Variants in SEC14L1 observed in about 807,000 individuals in gnomAD.
The protein encoded by SEC14L1 is SEC14 like lipid binding 1.
A neutral mutation model predicts 85.3 loss-of-function variants in SEC14L1; 48 were observed. That is an observed-to-expected ratio of 0.56 (90% CI 0.45 to 0.72). SEC14L1 has a LOEUF of 0.72. SEC14L1 is among the 30% of genes least tolerant of loss of function. The pLI, the probability that SEC14L1 is intolerant of heterozygous loss-of-function variation, is 0.00. For synonymous variants in SEC14L1, 391 were observed against 355.5 expected, an observed-to-expected ratio of 1.10 and a Z score of -1.12; for missense variants, 682 against 921.4, an observed-to-expected ratio of 0.74 and a Z score of 3.36.
At chr17:77,179,695 G>GA (rs1446720299) in intron 3 of SEC14L1, among the ~76,000 whole-genome samples, 1 of 151,560 alleles carries the variant, frequency 6.6e-6, no homozygotes, top group Non-Finnish European at 1.5e-5. Flanking sequence ...TTTTTTTTGA[G>GA]ATGGAGTCTC....
At chr17:77,181,905 T>C (rs1975054982) in intron 3 of SEC14L1, among the ~76,000 whole-genome samples, 1 of 152,060 alleles carries the variant, frequency 6.6e-6, no homozygotes, top group Admixed American at 6.5e-5. Context: ...CACGTTTTCT[T>C]TCTTTTTTTT....
At chr17:77,145,087 G>T (rs1259595625) in intron 3 of SEC14L1, 1 of 59,242 alleles carries the variant, frequency 1.7e-5, no homozygotes, top group African/African-American at 4.9e-5. Flanking sequence ...TTGTGTGTGT[G>T]TGTGTGTATG....
At chr17:77,118,685 T>A (rs1289906661) in intron 3 of SEC14L1, among the ~76,000 whole-genome samples, 2 of 152,230 alleles carry the variant, frequency 1.3e-5, no homozygotes, top group Non-Finnish European at 2.9e-5. Flanking sequence ...AGGTTATAAT[T>A]ATGCATTTCG....
At chr17:77,208,414 C>T (rs1976574900) in intron 13 of SEC14L1, among the ~76,000 whole-genome samples, 1 of 152,166 alleles carries the variant, frequency 6.6e-6, no homozygotes, top group African/African-American at 2.4e-5. Context: ...TGAGCTGGAG[C>T]CCAAGGAGAC....
intron 3 of SEC14L1, among the ~76,000 whole-genome samples, chr17:77,114,147 A>C (rs548024776): frequency 6.6e-6 from 1 of 151,840 alleles, no homozygotes; most frequent in African/African-American, 2.4e-5. Context: ...CATTTTTATA[A>C]AACCCTTTGT....
rs890754857 is a variant in SEC14L1 at position 77,211,501 on chromosome 17, G to A, written c.1612-449G>A. ...CGTGTGAGCCTCACACGGCAGGCCC[G>A]GTTCCATGCCCCTGCTTCCCCCTTG... On this transcript the variant is annotated intron_variant, in intron 14 of 16. Transcript: ENST00000436233. 3.5e-5 allele frequency: 6 copies of A among 172,308 alleles called. No individual in the cohort carries two copies. In the East Asian group the frequency reaches 5.0e-4, roughly 14 times the overall value. The allele number at this position is 172,308 out of a possible 1,614,324, so 10.7% of individuals were successfully genotyped here.
chr17:77,190,702 C>A, intron 3 of SEC14L1, 101 bp from the exon 4 acceptor site: 1 of 1,192,422 alleles, frequency 8.4e-7, no homozygotes, highest in Non-Finnish European at 1.2e-6. Flanking sequence ...CTGCCTGTTG[C>A]CGTGCACCGA....
At position 77,089,773 on chromosome 17, in the gene SEC14L1, T is replaced by C; in HGVS notation, c.-240+502T>C. 1.4e-5 allele frequency: 3 copies of C among 214,988 alleles called. No homozygotes were observed. In the South Asian group the frequency reaches 1.5e-4, roughly 11 times the overall value. The allele number at this position is 214,988 out of a possible 1,614,324, so 13.3% of individuals were successfully genotyped here. A position where few individuals can be genotyped will look rare whatever the true frequency, so the allele number is the denominator to read the frequency against. The stretch of plus-strand genomic sequence containing the variant: ...GCTCATGCCTGTAATCCCAGCACTT[T>C]GGGAGGCCGAGGCGGGTGGATCACC... On this transcript the variant is annotated intron_variant, in intron 2 of 19. Transcript: ENST00000392476.
intron 3 of SEC14L1, among the ~76,000 whole-genome samples, chr17:77,122,003 C>T (rs1972310896): frequency 6.6e-6 from 1 of 152,190 alleles, no homozygotes; most frequent in Non-Finnish European, 1.5e-5. Context: ...CATTAGTCAG[C>T]AGCAGCCCAC....
rs559616787 is a variant in SEC14L1, at chr17:77,169,943, CTT to C, written c.64-20859_64-20858del. Among the ~76,000 whole-genome samples the C allele has an allele frequency of 5.6e-4, 86 of 152,276 alleles. 1 individual carries two copies. In the Middle Eastern group the frequency reaches 0.014, roughly 24 times the overall value. ...CTATTGAGGAGGTCCAGCCTTGACA[CTT>C]GGTGGTATAGATTACATCTCCCTAA... On this transcript the variant is annotated intron_variant, in intron 3 of 16. Transcript: ENST00000436233.
chr17:77,156,444 G>A (rs1353211478), intron 3 of SEC14L1, among the ~76,000 whole-genome samples: 6 of 152,000 alleles, frequency 3.9e-5, no homozygotes, highest in African/African-American at 1.2e-4. Context: ...GCGTGGTGGC[G>A]TACATCTGTA....
At chr17:77,121,783 G>T (rs1213045277) in intron 3 of SEC14L1, among the ~76,000 whole-genome samples, 1 of 152,230 alleles carries the variant, frequency 6.6e-6, no homozygotes, top group Non-Finnish European at 1.5e-5. Flanking sequence ...TGAATCAGGA[G>T]CTGGGACTCC....
At chr17:77,196,629 A>G (rs1975818793) in intron 8 of SEC14L1, among the ~76,000 whole-genome samples, 1 of 152,240 alleles carries the variant, frequency 6.6e-6, no homozygotes. Context: ...TCAGAGATTT[A>G]TCAGAGATTA....
chr17:77,118,890 C>A (rs2143393610), intron 3 of SEC14L1, among the ~76,000 whole-genome samples: 1 of 152,306 alleles, frequency 6.6e-6, no homozygotes. Flanking sequence ...TTTCCAGAAA[C>A]CATCCCACCA....
chr17:77,101,481 CT>C (rs1181574519), intron 3 of SEC14L1, among the ~76,000 whole-genome samples: 2 of 152,148 alleles, frequency 1.3e-5, no homozygotes, highest in Admixed American at 6.6e-5. Context: ...CCCGGCCCCT[CT>C]TTTTTGACCA....
chr17:77,203,580 C>T lies in SEC14L1; in HGVS notation c.1020C>T (p.Pro340=). 1.2e-6 allele frequency: 2 copies of T among 1,613,586 alleles called. No homozygotes were observed. Among genetic ancestry groups the T allele is most frequent in the Non-Finnish European group, 1.7e-6 (2 of 1,179,838 alleles). Residue 340 remains proline, a synonymous_variant, in exon 10 of 17, where the codon CCC becomes CCT. Coordinates refer to ENST00000436233, the MANE Select transcript of SEC14L1 (RefSeq NM_001143998.2). ...TCCCCTCCTCTGCAGATGGGCGGCCCCTCTACGTGCTCAGGCTGGGGCAGA... is the reference window on the plus strand; with the variant it reads ...TCCCCTCCTCTGCAGATGGGCGGCCTCTCTACGTGCTCAGGCTGGGGCAGA... ...GWHHHDKDGR[P]LYVLRLGQMD...
chr17:77,135,572 T>C (rs1972770430), intron 3 of SEC14L1, among the ~76,000 whole-genome samples: 1 of 152,186 alleles, frequency 6.6e-6, no homozygotes, highest in Admixed American at 6.5e-5. Flanking sequence ...TCTCTCAGGC[T>C]ATCTCTCAGG....
intron 3 of SEC14L1, among the ~76,000 whole-genome samples, chr17:77,111,956 C>T (rs888747129): frequency 1.3e-5 from 2 of 152,092 alleles, no homozygotes; most frequent in East Asian, 3.9e-4. Context: ...ACAGTTTGTC[C>T]GTGTCCCCCA....
At chr17:77,175,813 A>G (rs903637956) in intron 3 of SEC14L1, among the ~76,000 whole-genome samples, 2 of 152,214 alleles carry the variant, frequency 1.3e-5, no homozygotes, top group Non-Finnish European at 1.5e-5. Flanking sequence ...AAATCAGCCT[A>G]ATACAGGAAA....
Sources: gnomAD v4.1 joint callset for allele counts (sites outside exome capture counted in the v4.1 genomes callset) on GRCh38, gnomAD v4.1.1 for gene constraint, MANE v1.5 for transcripts, NCBI Gene and HGNC (gene_info 2026-07-23, HGNC 2026-07-21) for gene names.